Variants in USP49 observed in about 807,000 individuals in gnomAD.
USP49 encodes ubiquitin specific peptidase 49.
USP49 carries 24 observed loss-of-function variants against 58.6 expected under a neutral mutation model. The observed-to-expected ratio is 0.41, with a 90% CI of 0.30 to 0.58. USP49 has a LOEUF of 0.58. Ranked by LOEUF, USP49 falls within the 20% of genes least tolerant of loss-of-function variation. The pLI is 0.30. For synonymous variants in USP49, 408 were observed against 365.1 expected (o/e 1.12, Z -1.34); for missense variants, 703 against 866.1 (o/e 0.81, Z 2.36).
intron 2 of USP49, chr6:41,874,087 T>C (rs1774460694): frequency 6.6e-6 from 1 of 152,210 alleles, no homozygotes; most frequent in South Asian, 2.1e-4. Flanking sequence ...GCTTACCTGT[T>C]ACTGAAACAT....
intron 3 of USP49, among the ~76,000 whole-genome samples, chr6:41,844,843 T>C (rs1773893786): frequency 6.6e-6 from 1 of 152,228 alleles, no homozygotes; most frequent in African/African-American, 2.4e-5. Flanking sequence ...GCAAAAATAT[T>C]ACCTATTTTA....
rs1317016701 is a variant in USP49, at chr6:41,791,677, T to A, written c.*4856A>T. On this transcript the variant is annotated 3_prime_UTR_variant, in exon 8 of 8. Coordinates refer to ENST00000682992, the MANE Select transcript of USP49 (RefSeq NM_001286554.2). ...GAAATATGCCAGCAGAAGTATGGAA[T>A]GAGTCCACAAAAATGAGTGCCTGCC... is the stretch of plus-strand genomic sequence containing the variant. 1 of 152,236 alleles carries A rather than the reference T, an allele frequency of 6.6e-6. No individual in the cohort carries two copies. Among genetic ancestry groups the A allele is most frequent in the African/African-American group, 2.4e-5 (1 of 41,462 alleles). 9.4% of individuals were successfully genotyped at this position (152,236 alleles called of 1,614,324 possible). A position where few individuals can be genotyped will look rare whatever the true frequency, so the allele number is the denominator to read the frequency against.
chr6:41,815,715 A>G (rs376050933), intron 3 of USP49, among the ~76,000 whole-genome samples: 19 of 152,190 alleles, frequency 1.2e-4, no homozygotes, highest in African/African-American at 4.1e-4. Context: ...CTGACCCAAG[A>G]GCTGGAATGT....
chr6:41,839,343 T>C (rs1459078272), intron 3 of USP49, among the ~76,000 whole-genome samples: 3 of 124,738 alleles, frequency 2.4e-5, no homozygotes, highest in South Asian at 2.5e-4. Context: ...GAGGCGGAGG[T>C]TGCAATGAGC....
chr6:41,800,080 ACT>A, intron 5 of USP49, 142 bp from the exon 6 acceptor site: 1 of 651,236 alleles, frequency 1.5e-6, no homozygotes, highest in South Asian at 1.8e-5. Context: ...GCAATGTGAC[ACT>A]CTTTATGACT....
chr6:41,818,783 G>A (rs1773402886), intron 3 of USP49, among the ~76,000 whole-genome samples: 1 of 152,192 alleles, frequency 6.6e-6, no homozygotes, highest in African/African-American at 2.4e-5. Flanking sequence ...GGATTATCCT[G>A]TGCAACAGAA....
intron 2 of USP49, among the ~76,000 whole-genome samples, chr6:41,885,741 A>G (rs2127365109): frequency 6.6e-6 from 1 of 152,240 alleles, no homozygotes; most frequent in Non-Finnish European, 1.5e-5. Flanking sequence ...TGCTGCAGTG[A>G]GCCGAGATCA....
At chr6:41,820,726 A>G (rs1341596815) in intron 3 of USP49, among the ~76,000 whole-genome samples, 1 of 152,170 alleles carries the variant, frequency 6.6e-6, no homozygotes, top group African/African-American at 2.4e-5. Context: ...TTAGGCCAGC[A>G]TGGTAGCTCA....
At chr6:41,804,091 A>C in intron 4 of USP49, 81 bp from the exon 5 acceptor site, 1 of 1,289,720 alleles carries the variant, frequency 7.8e-7, no homozygotes, top group African/African-American at 1.5e-5. Context: ...TAAAAGACAC[A>C]CTTTATCAAA....
intron 2 of USP49, chr6:41,886,528 G>T (rs1774714652): frequency 6.6e-6 from 1 of 152,174 alleles, no homozygotes; most frequent in South Asian, 2.1e-4. Flanking sequence ...TTATTGTCCT[G>T]ATAAGTTAAT....
At chr6:41,834,542 A>T (rs1248277388) in intron 3 of USP49, among the ~76,000 whole-genome samples, 1 of 152,106 alleles carries the variant, frequency 6.6e-6, no homozygotes, top group Non-Finnish European at 1.5e-5. Flanking sequence ...AGGTGACTGG[A>T]TCAAGGGGGC....
chr6:41,861,680 T>G (rs766350006), intron 3 of USP49, among the ~76,000 whole-genome samples: 1 of 152,140 alleles, frequency 6.6e-6, no homozygotes, highest in Non-Finnish European at 1.5e-5. Flanking sequence ...TCTTATACAT[T>G]TTCCCATATA....
chr6:41,800,121 G>A (rs1423536514), intron 5 of USP49, among the ~76,000 whole-genome samples, 183 bp from the exon 6 acceptor site: 1 of 152,176 alleles, frequency 6.6e-6, no homozygotes, highest in East Asian at 1.9e-4. Flanking sequence ...CGCCTGCATG[G>A]TGTGGCCATG....
rs1774624553 is a variant in USP49 at position 41,882,397 on chromosome 6, G to A, written c.-103+9397C>T. Among the ~76,000 whole-genome samples, 3 of 152,124 alleles carry A rather than the reference G, an allele frequency of 2.0e-5. No individual in the cohort carries two copies. In the South Asian group the frequency reaches 6.2e-4, roughly 31 times the overall value. ...GGAAGGTTCAGCTAGTTTAGTGGAT[G>A]GTATTGGGAAATAAAAAAATAATAA... On this transcript the variant is annotated intron_variant, in intron 2 of 7. Transcript: ENST00000682992.
chr6:41,805,744 C>T lies in USP49; in HGVS notation c.1240G>A (p.Glu414Lys), dbSNP rs1773102959. 6.2e-7 allele frequency: 1 copy of T among 1,613,998 alleles called. No homozygotes were observed. The highest frequency in any genetic ancestry group is 1.7e-5 in the Admixed American group (1 of 59,992). The stretch of plus-strand genomic sequence containing the variant: ...CGTGTGGTGCCCTCAGACTCGAGTT[C>T]CTGCTGCACCTTGTGCAGCAGCTCG... ...LCELLHKVQQ[E>K]LESEGTTRRI... The change falls in exon 4 of 8, where the codon GAA becomes AAA. Residue 414 changes from glutamate to lysine, a missense_variant. Physicochemically the swap from Glu to Lys is moderately conservative, Grantham distance 56 (BLOSUM62 1). Transcript: ENST00000682992.
intron 3 of USP49, among the ~76,000 whole-genome samples, chr6:41,809,539 A>G (rs951865253): frequency 1.1e-4 from 16 of 147,560 alleles, no homozygotes; most frequent in African/African-American, 4.0e-4. Flanking sequence ...AGAAAATAAT[A>G]AAATAGGCCG....
intron 2 of USP49, among the ~76,000 whole-genome samples, chr6:41,878,973 G>A (rs1774556187): frequency 6.6e-6 from 1 of 152,158 alleles, no homozygotes; most frequent in Non-Finnish European, 1.5e-5. Context: ...CTAAATCGGT[G>A]GCAAGGAACA....
chr6:41,863,767 C>G (rs1339392879), intron 3 of USP49, among the ~76,000 whole-genome samples: 2 of 152,006 alleles, frequency 1.3e-5, no homozygotes, highest in East Asian at 3.9e-4. Flanking sequence ...TTCTAAACCT[C>G]AGTATTTATT....
intron 3 of USP49, among the ~76,000 whole-genome samples, chr6:41,824,845 G>C (rs73733037): frequency 0.014 from 2,059 of 152,294 alleles, 40 homozygotes; most frequent in African/African-American, 0.047. Context: ...AGGTCCAAGA[G>C]AATGTGCTGC....
Sources: gnomAD v4.1 joint callset for allele counts (sites outside exome capture counted in the v4.1 genomes callset) on GRCh38, gnomAD v4.1.1 for gene constraint, MANE v1.5 for transcripts, NCBI Gene and HGNC (gene_info 2026-07-23, HGNC 2026-07-21) for gene names.